Variants in PLEKHA5 observed in about 807,000 individuals in gnomAD.
The protein encoded by PLEKHA5 is pleckstrin homology domain-containing family A member 5.
PLEKHA5 carries 55 observed loss-of-function variants against 181.9 expected under a neutral mutation model. The observed-to-expected ratio is 0.30, with a 90% CI of 0.24 to 0.38. The LOEUF (loss-of-function observed/expected upper bound fraction) is 0.38, where lower values mean the gene tolerates loss of function less well. Among genes scored for constraint, PLEKHA5 ranks in the 10% least tolerant of loss-of-function variants. PLEKHA5 has a pLI of 1.00. For missense variants in PLEKHA5, 1,432 were observed against 1,549.5 expected (o/e 0.92, Z 1.27); for synonymous variants, 535 against 529.4 (o/e 1.01, Z -0.15).
rs1169354156 is a variant in PLEKHA5 at position 19,274,872 on chromosome 12, G to A, written c.1202G>A (p.Gly401Glu). Reference sequence around the variant, plus strand: ...AGAGGTGGAAATCGCCCCAATACAGGGCCCTTATACACAGAGGCCGATCGA... The same window carrying A: ...AGAGGTGGAAATCGCCCCAATACAGAGCCCTTATACACAGAGGCCGATCGA... ...DLRGGNRPNTGPLYTEADRVI... is the reference protein window; with the variant it reads ...DLRGGNRPNTEPLYTEADRVI... The change falls in exon 11 of 32, where the codon GGG (glycine) becomes GAG (glutamate). Residue 401 changes from glycine to glutamate, a missense_variant. Physicochemically the swap from Gly to Glu is moderately conservative, Grantham distance 98. This residue lies in a region of PLEKHA5 where 1,143 missense variants were observed against 1,168.4 expected (regional missense o/e 0.98). Coordinates refer to ENST00000429027, the MANE Select transcript of PLEKHA5 (RefSeq NM_001256470.2). 1 of 1,613,948 alleles carries A rather than the reference G, an allele frequency of 6.2e-7. No individual in the cohort carries two copies. Among genetic ancestry groups the A allele is most frequent in the East Asian group, 2.2e-5 (1 of 44,846 alleles).
chr12:19,286,699 C>G (rs1009305630), intron 12 of PLEKHA5, among the ~76,000 whole-genome samples: 2 of 152,128 alleles, frequency 1.3e-5, no homozygotes, highest in African/African-American at 4.8e-5. Context: ...GGGCAAGTGG[C>G]TCAAGCCTGT....
intron 24 of PLEKHA5, among the ~76,000 whole-genome samples, chr12:19,348,193 T>C (rs932575883): frequency 3.9e-5 from 6 of 152,186 alleles, no homozygotes; most frequent in African/African-American, 1.4e-4. Flanking sequence ...AGAAATATTC[T>C]TAATATTAAA....
At chr12:19,312,680 T>C (rs1374701402) in intron 15 of PLEKHA5, among the ~76,000 whole-genome samples, 1 of 152,244 alleles carries the variant, frequency 6.6e-6, no homozygotes, top group Non-Finnish European at 1.5e-5. Context: ...GTTGTGACTG[T>C]TTGATCTTCT....
intron 22 of PLEKHA5, among the ~76,000 whole-genome samples, chr12:19,343,749 G>A (rs1471902261): frequency 2.0e-5 from 3 of 152,120 alleles, no homozygotes; most frequent in Non-Finnish European, 4.4e-5. Context: ...CAACAACTAG[G>A]CAATAGATAT....
At position 19,261,023 on chromosome 12, in the gene PLEKHA5, T is replaced by C; in HGVS notation, c.610+2T>C. On this transcript the variant is annotated splice_donor_variant, in intron 7 of 31. Transcript: ENST00000429027. LOFTEE classifies it high-confidence loss of function. The stretch of plus-strand genomic sequence containing the variant: ...ACCTTTGCCTCTTTTATTATAGAGG[T>C]AAGTTTACCCTACTGTCTTAGTGTA... The C allele has an allele frequency of 6.5e-7, 1 of 1,550,376 alleles. No individual in the cohort carries two copies. Among genetic ancestry groups the C allele is most frequent in the Non-Finnish European group, 8.9e-7 (1 of 1,126,408 alleles).
chr12:19,343,573 T>C, intron 22 of PLEKHA5, 139 bp downstream of exon 22: 2 of 649,032 alleles, frequency 3.1e-6, no homozygotes, highest in Non-Finnish European at 5.6e-6. Flanking sequence ...CAAATCTAGT[T>C]GTATGGCCTA....
At chr12:19,368,437 T>A (rs1348177545) in intron 30 of PLEKHA5, among the ~76,000 whole-genome samples, 2 of 152,022 alleles carry the variant, frequency 1.3e-5, no homozygotes, top group Non-Finnish European at 2.9e-5. Flanking sequence ...GAGGCTACAA[T>A]GAGCTGTGTG....
chr12:19,322,342 A>T lies in PLEKHA5; in HGVS notation c.2250A>T (p.Lys750Asn). 1 of 1,613,460 alleles carries T rather than the reference A, an allele frequency of 6.2e-7. No individual in the cohort carries two copies. Among genetic ancestry groups the T allele is most frequent in the African/African-American group, 1.3e-5 (1 of 75,062 alleles). ...AKLSRLCEQD[K>N]VVHALEEKLQ... The stretch of plus-strand genomic sequence containing the variant: ...TAAGCCGATTATGTGAACAAGATAA[A>T]GTGGTGCATGCTCTGGAAGAGAAAC... Residue 750 changes from lysine to asparagine, a missense_variant, in exon 19 of 32, where the codon AAA becomes AAT. This residue lies in a region of PLEKHA5 where 1,143 missense variants were observed against 1,168.4 expected (regional missense o/e 0.98). Transcript: ENST00000429027.
chr12:19,204,762 T>C (rs1249181678), intron 3 of PLEKHA5, among the ~76,000 whole-genome samples: 1 of 152,136 alleles, frequency 6.6e-6, no homozygotes, highest in Non-Finnish European at 1.5e-5. Context: ...TTTTAATAAA[T>C]ACATTGAACA....
intron 30 of PLEKHA5, 21 bp downstream of exon 30, chr12:19,366,130 A>G: frequency 6.4e-7 from 1 of 1,574,064 alleles, no homozygotes; most frequent in Non-Finnish European, 8.6e-7. Context: ...TACACTTCAT[A>G]ATTTTCTACC....
At chr12:19,248,796 T>C (rs2064442339) in intron 3 of PLEKHA5, among the ~76,000 whole-genome samples, 1 of 152,174 alleles carries the variant, frequency 6.6e-6, no homozygotes, top group Non-Finnish European at 1.5e-5. Context: ...CAAAATGTAT[T>C]ACCATAGTTA....
At chr12:19,142,595 C>A (rs921021711) in intron 3 of PLEKHA5, among the ~76,000 whole-genome samples, 1 of 152,082 alleles carries the variant, frequency 6.6e-6, no homozygotes, top group Admixed American at 6.6e-5. Flanking sequence ...AGTCTGATAA[C>A]AATAGCTTTT....
At chr12:19,270,056 G>C (rs2072118833) in intron 9 of PLEKHA5, 132 bp from the exon 10 acceptor site, 3 of 627,628 alleles carry the variant, frequency 4.8e-6, no homozygotes, top group Non-Finnish European at 7.9e-6. Flanking sequence ...TACACATTTT[G>C]TTAGTTTGCG....
At chr12:19,333,130 C>T (rs1443151150) in intron 20 of PLEKHA5, among the ~76,000 whole-genome samples, 1 of 151,720 alleles carries the variant, frequency 6.6e-6, no homozygotes, top group Non-Finnish European at 1.5e-5. Flanking sequence ...ACTAAAAATA[C>T]AAAAATTAGC....
At chr12:19,259,985 G>A (rs1300794975) in intron 6 of PLEKHA5, among the ~76,000 whole-genome samples, 1 of 146,288 alleles carries the variant, frequency 6.8e-6, no homozygotes, top group Non-Finnish European at 1.5e-5. Context: ...CTTTTTTTTT[G>A]GTATCTGTTT....
chr12:19,141,170 TCCC>T (rs373981325), intron 3 of PLEKHA5, among the ~76,000 whole-genome samples: 1 of 151,236 alleles, frequency 6.6e-6, no homozygotes, highest in Non-Finnish European at 1.5e-5. Flanking sequence ...TTTCCACCCC[TCCC>T]CCCCAACAGA....
intron 3 of PLEKHA5, among the ~76,000 whole-genome samples, chr12:19,223,953 T>A (rs1862814079): frequency 6.6e-6 from 1 of 152,170 alleles, no homozygotes; most frequent in Non-Finnish European, 1.5e-5. Context: ...CATCTCACTG[T>A]GAAAAAATAT....
chr12:19,270,129 G>A, intron 9 of PLEKHA5, 59 bp from the exon 10 acceptor site: 1 of 1,007,390 alleles, frequency 9.9e-7, no homozygotes, highest in Non-Finnish European at 1.4e-6. Flanking sequence ...TCACCTATCG[G>A]TGTACTGGGG....
In PLEKHA5 at chr12:19,197,855, T is replaced by C. The variant is rs541482891; in HGVS notation, c.228-56085T>C. 1.2e-4 allele frequency among the ~76,000 whole-genome samples: 18 copies of C among 151,146 alleles called. No homozygotes were observed. In the Middle Eastern group the frequency reaches 0.01, roughly 86 times the overall value. ...TGACCTCTTCATATAGTGTCTAATA[T>C]ACAGTCAGAGAAAACAACTTTGCTG... On this transcript the variant is annotated intron_variant, in intron 3 of 31. Coordinates refer to ENST00000429027, the MANE Select transcript of PLEKHA5 (RefSeq NM_001256470.2).
Sources: allele counts gnomAD v4.1 joint callset (sites outside exome capture counted in the v4.1 genomes callset), GRCh38; gene constraint gnomAD v4.1.1; regional missense constraint gnomAD v4.1.1; transcripts MANE v1.5; gene names NCBI Gene and HGNC (gene_info 2026-07-23, HGNC 2026-07-21).